GALNT13: variants seen among roughly 807,000 people sequenced by gnomAD.
GALNT13 encodes UDP-GalNAc:polypeptide N-acetylgalactosaminyltransferase 13.
GALNT13 carries 28 observed loss-of-function variants against 64.2 expected under a neutral mutation model. That is an observed-to-expected ratio of 0.44 (90% confidence interval 0.32 to 0.60). GALNT13 has a LOEUF of 0.60. Among genes scored for constraint, GALNT13 ranks in the 20% least tolerant of loss-of-function variants. The pLI is 0.05. For missense variants in GALNT13, 577 were observed against 669.8 expected (o/e 0.86, Z 1.53); for synonymous variants, 214 against 224.6 (o/e 0.95, Z 0.42).
the GALNT13 span, among the ~76,000 whole-genome samples, chr2:153,126,296 GTATATATATATA>G: frequency 0.016 from 1,928 of 118,210 alleles, 34 homozygotes; most frequent in Non-Finnish European, 0.017. Flanking sequence ...TATTGATTTT[GTATATATATATA>G]TATATATATA....
chr2:153,252,688 A>T, the GALNT13 span, among the ~76,000 whole-genome samples: 2 of 152,142 alleles, frequency 1.3e-5, no homozygotes, highest in Non-Finnish European at 2.9e-5. Context: ...CTTTCTCCAT[A>T]TGGCTAGCCA....
At chr2:154,425,669 CA>C in intron 11 of GALNT13, among the ~76,000 whole-genome samples, 2 of 152,082 alleles carry the variant, frequency 1.3e-5, no homozygotes, top group Middle Eastern at 6.8e-3. Context: ...AAGACCATTA[CA>C]AAAAGAAGAG....
At chr2:153,524,663 T>G in the GALNT13 span, among the ~76,000 whole-genome samples, 2 of 152,194 alleles carry the variant, frequency 1.3e-5, no homozygotes, top group Non-Finnish European at 2.9e-5. Flanking sequence ...CAGATCAAAC[T>G]TGGCTGACTT....
intron 9 of GALNT13, among the ~76,000 whole-genome samples, chr2:154,380,783 G>A (rs1259188728): frequency 6.6e-6 from 1 of 152,042 alleles, no homozygotes; most frequent in South Asian, 2.1e-4. Flanking sequence ...TCACATGCCT[G>A]CAATTAATGT....
intron 3 of GALNT13, among the ~76,000 whole-genome samples, chr2:154,080,113 G>A (rs902402187): frequency 4.6e-5 from 7 of 151,564 alleles, no homozygotes; most frequent in African/African-American, 7.3e-5. Flanking sequence ...TTGAAGATAC[G>A]TGCGTGTGTT....
intron 9 of GALNT13, among the ~76,000 whole-genome samples, chr2:154,352,714 A>G (rs1352130518): frequency 6.6e-6 from 1 of 152,162 alleles, no homozygotes; most frequent in Non-Finnish European, 1.5e-5. Flanking sequence ...TTCCCACACT[A>G]CATAAGTTTC....
chr2:153,555,194 T>TAAA, the GALNT13 span, among the ~76,000 whole-genome samples: 1 of 130,600 alleles, frequency 7.7e-6, no homozygotes, highest in Admixed American at 7.5e-5. Flanking sequence ...GCTTTACTTT[T>TAAA]TTTTTTTTTT....
the GALNT13 span, among the ~76,000 whole-genome samples, chr2:153,175,717 T>C: frequency 6.6e-6 from 1 of 152,270 alleles, no homozygotes; most frequent in East Asian, 1.9e-4. Flanking sequence ...TCAAAAAATA[T>C]GATAAGACTC....
At chr2:154,307,305 C>CT (rs1210242950) in intron 9 of GALNT13, among the ~76,000 whole-genome samples, 10 of 152,142 alleles carry the variant, frequency 6.6e-5, no homozygotes, top group African/African-American at 2.4e-4. Context: ...ATAAAATTGT[C>CT]TAACAGAGCA....
the GALNT13 span, among the ~76,000 whole-genome samples, chr2:153,635,000 A>T: frequency 6.6e-6 from 1 of 151,802 alleles, no homozygotes; most frequent in East Asian, 1.9e-4. Flanking sequence ...GTTGAGAAAA[A>T]TTAGGTGCTA....
chr2:153,473,338 A>C, the GALNT13 span, among the ~76,000 whole-genome samples: 1 of 152,184 alleles, frequency 6.6e-6, no homozygotes, highest in Non-Finnish European at 1.5e-5. Flanking sequence ...GATCACCATA[A>C]ATGATACATG....
rs1427727359 is a variant in GALNT13, at chr2:154,453,705, T to C, written c.*3154T>C. ...TTGTCAGTTTTGTTCATTTGGTATT[T>C]CTGGCATATATATTCTCTAAATATT... On this transcript the variant is annotated 3_prime_UTR_variant, in exon 13 of 13. Coordinates refer to ENST00000392825, the MANE Select transcript of GALNT13 (RefSeq NM_052917.4). The C allele has an allele frequency of 6.6e-6, 1 of 152,166 alleles. No individual in the cohort carries two copies. Among genetic ancestry groups the C allele is most frequent in the Non-Finnish European group, 1.5e-5 (1 of 68,032 alleles). The allele number at this position is 152,166 out of a possible 1,614,324, so 9.4% of individuals were successfully genotyped here.
chr2:154,024,821 G>A (rs1175493828), intron 3 of GALNT13, among the ~76,000 whole-genome samples: 2 of 152,206 alleles, frequency 1.3e-5, no homozygotes, highest in African/African-American at 4.8e-5. Flanking sequence ...CATCTTTGTG[G>A]TTTTATCTAC....
the GALNT13 span, among the ~76,000 whole-genome samples, chr2:153,221,824 A>G: frequency 1.3e-5 from 2 of 152,192 alleles, no homozygotes; most frequent in Non-Finnish European, 2.9e-5. Context: ...ATGCACCACA[A>G]GCGGCTTCTG....
the GALNT13 span, among the ~76,000 whole-genome samples, chr2:153,196,490 C>T: frequency 6.6e-6 from 1 of 152,108 alleles, no homozygotes; most frequent in Non-Finnish European, 1.5e-5. Flanking sequence ...AGAGGCCAGG[C>T]CATGAGAGTC....
At chr2:154,401,072 A>G (rs79964730) in intron 10 of GALNT13, among the ~76,000 whole-genome samples, 2,702 of 152,284 alleles carry the variant, frequency 0.018, 37 homozygotes, top group Middle Eastern at 0.031. Context: ...CGACATTAGC[A>G]TATGCATTTT....
At chr2:153,844,907 A>G in the GALNT13 span, among the ~76,000 whole-genome samples, 3 of 152,214 alleles carry the variant, frequency 2.0e-5, no homozygotes, top group East Asian at 5.8e-4. Flanking sequence ...CTAAGGCATA[A>G]CATATGTGAC....
At chr2:153,834,450 G>C in the GALNT13 span, among the ~76,000 whole-genome samples, 2 of 152,148 alleles carry the variant, frequency 1.3e-5, no homozygotes, top group Non-Finnish European at 2.9e-5. Flanking sequence ...GCAACCTGGA[G>C]AGCACAGGCT....
chr2:153,816,680 G>T, the GALNT13 span, among the ~76,000 whole-genome samples: 1 of 152,146 alleles, frequency 6.6e-6, no homozygotes, highest in African/African-American at 2.4e-5. Context: ...TATCACATCA[G>T]ATTACTTAGA....
Sources: allele counts gnomAD v4.1 joint callset (sites outside exome capture counted in the v4.1 genomes callset), GRCh38; gene constraint gnomAD v4.1.1; transcripts MANE v1.5; gene names NCBI Gene and HGNC (gene_info 2026-07-23, HGNC 2026-07-21).